Variants in MAPK8IP3 observed in about 807,000 individuals in gnomAD.
MAPK8IP3 encodes the protein C-Jun-amino-terminal kinase-interacting protein 3.
A neutral mutation model predicts 157.8 loss-of-function variants in MAPK8IP3; 49 were observed. That is an observed-to-expected ratio of 0.31 (90% CI 0.25 to 0.39). MAPK8IP3 has a LOEUF of 0.39. MAPK8IP3 is among the 10% of genes least tolerant of loss of function. The probability of loss-of-function intolerance (pLI) is 1.00; values close to 1 mark genes in which losing one functional copy is unlikely to be tolerated. For missense variants in MAPK8IP3, 1,478 were observed against 1,889.4 expected, an observed-to-expected ratio of 0.78 and a Z score of 4.04; for synonymous variants, 897 against 777.7, an observed-to-expected ratio of 1.15 and a Z score of -2.55.
chr16:1,746,564 C>T (rs1224909444), intron 5 of MAPK8IP3: 2 of 169,338 alleles, frequency 1.2e-5, no homozygotes, highest in Non-Finnish European at 2.5e-5. Flanking sequence ...GCGGGTGGGC[C>T]CAGCCTCGAG....
chr16:1,735,546 C>T (rs566541291), intron 4 of MAPK8IP3, among the ~76,000 whole-genome samples: 8 of 117,266 alleles, frequency 6.8e-5, no homozygotes, highest in African/African-American at 2.4e-4. Context: ...TGTGAGCGTC[C>T]GTGTGAGAGT....
In MAPK8IP3 at chr16:1,745,336, CAG is replaced by C. The variant is rs138009212; in HGVS notation, c.748-1690_748-1689del. On this transcript the variant is annotated intron_variant, in intron 5 of 31. Coordinates refer to ENST00000610761, the MANE Select transcript of MAPK8IP3 (RefSeq NM_001318852.2). ...CTGTTTTCTCTCTGCCGGGTGGTGG[CAG>C]AGTCGGTGAGACACCAGGTGCCTGT... The C allele has an allele frequency of 2.2e-3, 532 of 239,480 alleles. 6 individuals are homozygous for C. Among genetic ancestry groups the C allele is most frequent in the African/African-American group, 0.012 (515 of 43,192 alleles). 14.8% of individuals were successfully genotyped at this position (239,480 alleles called of 1,614,324 possible). A position where few individuals can be genotyped will look rare whatever the true frequency, so the allele number is the denominator to read the frequency against.
intron 13 of MAPK8IP3, among the ~76,000 whole-genome samples, chr16:1,761,597 AGCGGCCACCATTCACCATTCACAGGCGGG>A (rs1231016488): frequency 0.017 from 1,928 of 116,608 alleles, 154 homozygotes; most frequent in Middle Eastern, 0.034. Context: ...TCACAGGCAG[AGCGGCCACCATTCACCATTCACAGGCGGG>A]GCGGCCACCA....
At chr16:1,740,191 AGT>A (rs1360417973) in intron 4 of MAPK8IP3, among the ~76,000 whole-genome samples, 3 of 81,674 alleles carry the variant, frequency 3.7e-5, no homozygotes, top group African/African-American at 5.4e-5. Context: ...CGTTCGTGTG[AGT>A]GTGTGACCGT....
intron 3 of MAPK8IP3, 24 bp downstream of exon 3, chr16:1,729,232 G>C (rs2039121010): frequency 6.2e-7 from 1 of 1,613,238 alleles, no homozygotes; most frequent in Non-Finnish European, 8.5e-7. Flanking sequence ...GGCAAGCGCG[G>C]AGACGAGGGT....
chr16:1,729,671 T>C (rs1481544203), intron 4 of MAPK8IP3, 93 bp downstream of exon 4: 2 of 1,192,662 alleles, frequency 1.7e-6, no homozygotes, highest in Non-Finnish European at 2.4e-6. Flanking sequence ...GTGCTTGTTA[T>C]GGCCCGCGCT....
rs771252992 is a variant in MAPK8IP3, at chr16:1,761,324, C to T, written c.1539+19C>T. Reference sequence around the variant, plus strand: ...AGAATCGGTACATCCACTCTTCACTCTTCACATGCGGGGCGTCCACCATTC... The same window carrying T: ...AGAATCGGTACATCCACTCTTCACTTTTCACATGCGGGGCGTCCACCATTC... On this transcript the variant is annotated intron_variant, in intron 13 of 31. Coordinates refer to ENST00000610761, the MANE Select transcript of MAPK8IP3 (RefSeq NM_001318852.2). The T allele has an allele frequency of 6.2e-7, 1 of 1,606,204 alleles. No homozygotes were observed. The highest frequency in any genetic ancestry group is 8.5e-7 in the Non-Finnish European group (1 of 1,174,544).
At chr16:1,725,295 G>A (rs2038800669) in intron 2 of MAPK8IP3, among the ~76,000 whole-genome samples, 1 of 150,872 alleles carries the variant, frequency 6.6e-6, no homozygotes. Flanking sequence ...GGCTGAGGTT[G>A]ATACTGCCGT....
intron 5 of MAPK8IP3, chr16:1,744,761 A>C: frequency 1.0e-6 from 1 of 985,250 alleles, no homozygotes. Context: ...CTTTCCTTTC[A>C]CCTCCTGCGT....
Position 1,710,603 on chromosome 16 carries a change from C to T in MAPK8IP3, c.318+3946C>T, listed in dbSNP as rs2037709905. Among the ~76,000 whole-genome samples the T allele has an allele frequency of 6.6e-6, 1 of 152,156 alleles. No individual in the cohort carries two copies. Among genetic ancestry groups the T allele is most frequent in the Non-Finnish European group, 1.5e-5 (1 of 68,032 alleles). ...AGAGATGATCAGTCTGCCATTTTTC[C>T]TTCTTTTTTTCTCCTCTGCGCCAGA... On this transcript the variant is annotated intron_variant, in intron 1 of 31. Transcript: ENST00000610761. This position sits in a 1 kb window ranked among gnomAD's most constrained non-coding sequence, Gnocchi z 4.1.
intron 2 of MAPK8IP3, among the ~76,000 whole-genome samples, chr16:1,727,960 C>T (rs1391318301): frequency 6.6e-6 from 1 of 152,224 alleles, no homozygotes; most frequent in African/African-American, 2.4e-5. Context: ...GGACAGGGCA[C>T]AAGCTGGTGG....
intron 11 of MAPK8IP3, 30 bp downstream of exon 11, chr16:1,760,045 G>A (rs2041845227): frequency 2.5e-6 from 4 of 1,613,042 alleles, no homozygotes; most frequent in Non-Finnish European, 3.4e-6. Flanking sequence ...GTGTGGTGGG[G>A]CTGAGGCAGC....
Position 1,758,150 on chromosome 16 carries a change from G to A in MAPK8IP3, c.1219G>A (p.Glu407Lys). Residue 407 changes from glutamate to lysine, a missense_variant and splice_region_variant, in exon 9 of 32, where the codon GAG (glutamate) becomes AAG (lysine). Transcript: ENST00000610761. ...DVDEGADLLG[E>K]FSVRDDFFGM... ...CTGTGCGTCGCTGGACTCGCCAGGG[G>A]AGTTCTCAGGTGAGTATCTCACTCT... 1 of 1,613,756 alleles carries A rather than the reference G, an allele frequency of 6.2e-7. No homozygotes were observed. Among genetic ancestry groups the A allele is most frequent in the Non-Finnish European group, 8.5e-7 (1 of 1,179,840 alleles).
In MAPK8IP3 at chr16:1,748,677, G is replaced by A; in HGVS notation, c.1173G>A (p.Gly391=). The part of the protein sequence containing the change: ...DSLYHELSTA[G]SEVIGDVDEG... ...TGTACCATGAGCTGTCGACGGCAGG[G>A]TCTGAGGTCATCGGGGATGTGGACG... Residue 391 remains glycine, a synonymous_variant, in exon 8 of 32, where the codon GGG becomes GGA. Coordinates refer to ENST00000610761, the MANE Select transcript of MAPK8IP3 (RefSeq NM_001318852.2). 1 of 1,614,220 alleles carries A rather than the reference G, an allele frequency of 6.2e-7. No individual in the cohort carries two copies. Among genetic ancestry groups the A allele is most frequent in the Non-Finnish European group, 8.5e-7 (1 of 1,180,046 alleles).
At chr16:1,738,488 G>A (rs565474387) in intron 4 of MAPK8IP3, among the ~76,000 whole-genome samples, 55 of 125,146 alleles carry the variant, frequency 4.4e-4, no homozygotes, top group African/African-American at 1.6e-3. Flanking sequence ...CCGTGTGAGC[G>A]TGTGACCGTC....
chr16:1,724,118 C>A lies in MAPK8IP3; in HGVS notation c.319-439C>A, dbSNP rs1235694312. Among the ~76,000 whole-genome samples the A allele has an allele frequency of 6.6e-6, 1 of 152,152 alleles. No homozygotes were observed. The highest frequency in any genetic ancestry group is 1.5e-5 in the Non-Finnish European group (1 of 68,024). On this transcript the variant is annotated intron_variant, in intron 1 of 31. Transcript: ENST00000610761. This position sits in a 1 kb window ranked among gnomAD's most constrained non-coding sequence, Gnocchi z 4.1. ...CAGGACTGGCTGTGTGCTCATGGAT[C>A]CCAGTGTAAAAATGGAAACACAGGG...
At position 1,765,071 on chromosome 16, in the gene MAPK8IP3, C is replaced by T. The variant is rs376182193; in HGVS notation, c.2339C>T (p.Thr780Ile). The T allele has an allele frequency of 2.5e-6, 4 of 1,612,506 alleles. No homozygotes were observed. The African/African-American group carries it at 4.0e-5, about 16-fold the overall frequency. The part of the protein sequence containing the change: ...TSSRVWILTS[T>I]LTTSKVVIID... ...AGCCGGGTGTGGATCCTGACCAGCA[C>T]CCTGACCACCAGCAAGGTGGTGATC... is the stretch of plus-strand genomic sequence containing the variant. The change falls in exon 20 of 32, where the codon ACC becomes ATC. Residue 780 changes from threonine (T) to isoleucine (I), a missense_variant. Thr to Ile is a moderately conservative substitution (Grantham distance 89, BLOSUM62 -1). Around this residue, in one of 11 missense-constraint regions of MAPK8IP3, gnomAD observed 669 missense variants for 759.8 expected, o/e 0.88. Coordinates refer to ENST00000610761, the MANE Select transcript of MAPK8IP3 (RefSeq NM_001318852.2).
intron 4 of MAPK8IP3, among the ~76,000 whole-genome samples, chr16:1,731,123 G>C (rs986497592): frequency 8.5e-5 from 13 of 152,156 alleles, no homozygotes; most frequent in African/African-American, 2.7e-4. Flanking sequence ...CTGGGCGACA[G>C]AGAGTCCATC....
Position 1,729,468 on chromosome 16 carries a change from G to A in MAPK8IP3, c.511-19G>A. On this transcript the variant is annotated intron_variant, in intron 3 of 31. Coordinates refer to ENST00000610761, the MANE Select transcript of MAPK8IP3 (RefSeq NM_001318852.2). ...AGCCCCCCACGGCAGCGCTAATGCA[G>A]GCGTTTCCCTCCTCGCAGATGATAC... is the stretch of plus-strand genomic sequence containing the variant. 6.2e-7 allele frequency: 1 copy of A among 1,607,594 alleles called. No individual in the cohort carries two copies. Among genetic ancestry groups the A allele is most frequent in the Non-Finnish European group, 8.5e-7 (1 of 1,175,782 alleles).
Sources: allele counts gnomAD v4.1 joint callset (sites outside exome capture counted in the v4.1 genomes callset), GRCh38; gene constraint gnomAD v4.1.1; regional missense constraint gnomAD v4.1.1; non-coding constraint Gnocchi (gnomAD v3.1); transcripts MANE v1.5; gene names NCBI Gene and HGNC (gene_info 2026-07-23, HGNC 2026-07-21).